OSBPL3: variants seen among roughly 807,000 people sequenced by gnomAD.
OSBPL3 encodes the protein oxysterol binding protein like 3.
A neutral mutation model predicts 120.1 loss-of-function variants in OSBPL3; 65 were observed. The observed-to-expected ratio is 0.54, with a 90% CI of 0.44 to 0.67. OSBPL3 has a LOEUF of 0.67. OSBPL3 is among the 30% of genes least tolerant of loss of function. The probability of loss-of-function intolerance (pLI) is 0.00; values close to 1 mark genes in which losing one functional copy is unlikely to be tolerated. For missense variants in OSBPL3, 1,004 were observed against 1,082.1 expected (o/e 0.93, Z 1.01); for synonymous variants, 416 against 402.6 (o/e 1.03, Z -0.40).
In OSBPL3 at chr7:24,907,073, TTC is replaced by T. The variant is rs896207178; in HGVS notation, c.-149-14454_-149-14453del. Among the ~76,000 whole-genome samples, 8 of 151,842 alleles carry T rather than the reference TTC, an allele frequency of 5.3e-5. 1 individual carries two copies. Among genetic ancestry groups the T allele is most frequent in the Non-Finnish European group, 5.9e-5 (4 of 67,908 alleles). ...CTCCCAGAGCCCCCAGTAGTGTAGA[TTC>T]TCTCTCTCCCTGACACTGACCTCAT... On this transcript the variant is annotated intron_variant, in intron 1 of 22. Transcript: ENST00000313367.
At chr7:24,935,423 T>C (rs752762227) in intron 1 of OSBPL3, among the ~76,000 whole-genome samples, 8 of 152,206 alleles carry the variant, frequency 5.3e-5, no homozygotes, top group Admixed American at 2.6e-4. Flanking sequence ...ATTGTATATA[T>C]TTCCATAAAA....
rs572198484 is a variant in OSBPL3 at position 24,854,691 on chromosome 7, T to TG, written c.1028-2058dup. ...GCAGGACAACAGAGTAATCAACAGC[T>TG]GGGGCTCCACCATCAGCCCTGGATT... On this transcript the variant is annotated intron_variant, in intron 10 of 22. Transcript: ENST00000313367. This position sits in a 1 kb window ranked among gnomAD's most constrained non-coding sequence, Gnocchi z 4.1. 6.6e-6 allele frequency among the ~76,000 whole-genome samples: 1 copy of TG among 152,182 alleles called. No individual in the cohort carries two copies. Among genetic ancestry groups the TG allele is most frequent in the Admixed American group, 6.5e-5 (1 of 15,274 alleles).
At position 24,813,506 on chromosome 7, in the gene OSBPL3, T is replaced by G. The variant is rs1200085022; in HGVS notation, c.2172+1553A>C. Among the ~76,000 whole-genome samples, 1 of 152,218 alleles carries G rather than the reference T, an allele frequency of 6.6e-6. No homozygotes were observed. The highest frequency in any genetic ancestry group is 1.9e-4 in the East Asian group (1 of 5,198). ...CATATCCCTGCTTCAGGTTGCCTTTTGTTTCTGTTTGCAGAGAGCTTAGAC... is the reference window on the plus strand; with the variant it reads ...CATATCCCTGCTTCAGGTTGCCTTTGGTTTCTGTTTGCAGAGAGCTTAGAC... On this transcript the variant is annotated intron_variant, in intron 19 of 22. Coordinates refer to ENST00000313367, the MANE Select transcript of OSBPL3 (RefSeq NM_015550.4). The surrounding 1 kb of genome is among the most constrained non-coding windows in gnomAD (Gnocchi z 4.5).
intron 1 of OSBPL3, among the ~76,000 whole-genome samples, chr7:24,909,109 T>C (rs1479806035): frequency 6.6e-6 from 1 of 152,194 alleles, no homozygotes; most frequent in East Asian, 1.9e-4. Flanking sequence ...ACATTTAGAG[T>C]GTTTTTACCC....
At position 24,926,250 on chromosome 7, in the gene OSBPL3, G is replaced by C. The variant is rs555351912; in HGVS notation, c.-149-33629C>G. Among the ~76,000 whole-genome samples, 85 of 152,226 alleles carry C rather than the reference G, an allele frequency of 5.6e-4. 1 individual carries two copies. The highest frequency in any genetic ancestry group is 2.0e-3 in the African/African-American group (83 of 41,544). On this transcript the variant is annotated intron_variant, in intron 1 of 22. Coordinates refer to ENST00000313367, the MANE Select transcript of OSBPL3 (RefSeq NM_015550.4). ...GTTTGAACGTGTAGGGTTATGCCAT[G>C]CCCCTGATCAAGTTTCTTTAGTGGA...
rs1017931061 is a variant in OSBPL3, at chr7:24,916,923, C to CCCA, written c.-149-24303_-149-24302insTGG. Reference sequence around the variant, plus strand: ...CTAAGACGTCTTCCATTTCCACCCCCCCCAACCTTTTTAGAAAATTAAATA... The same window carrying CCCA: ...CTAAGACGTCTTCCATTTCCACCCCCCCACCCAACCTTTTTAGAAAATTAAATA... On this transcript the variant is annotated intron_variant, in intron 1 of 22. Transcript: ENST00000313367. The surrounding 1 kb of genome is among the most constrained non-coding windows in gnomAD (Gnocchi z 4.9). Among the ~76,000 whole-genome samples, 4 of 150,572 alleles carry CCCA rather than the reference C, an allele frequency of 2.7e-5. No homozygotes were observed. The highest frequency in any genetic ancestry group is 4.4e-5 in the Non-Finnish European group (3 of 67,468).
chr7:24,837,501 G>A (rs1039170137), intron 14 of OSBPL3, among the ~76,000 whole-genome samples: 1 of 152,154 alleles, frequency 6.6e-6, no homozygotes, highest in Non-Finnish European at 1.5e-5. Context: ...ACTGTGCCTT[G>A]CCTGTAGTCA....
intron 1 of OSBPL3, among the ~76,000 whole-genome samples, chr7:24,907,893 T>C (rs1455299570): frequency 1.3e-5 from 2 of 152,240 alleles, no homozygotes; most frequent in African/African-American, 4.8e-5. Context: ...GGAAAGTAAT[T>C]TACAAAGACT....
In OSBPL3 at chr7:24,947,100, C is replaced by G. The variant is rs1813825136; in HGVS notation, c.-150+32786G>C. Reference sequence around the variant, plus strand: ...GCATAGAGCTGTCTAAAAACAAAGTCAGGAGTGCCCCATCCTTGATGATGG... The same window carrying G: ...GCATAGAGCTGTCTAAAAACAAAGTGAGGAGTGCCCCATCCTTGATGATGG... On this transcript the variant is annotated intron_variant, in intron 1 of 22. Transcript: ENST00000313367. The surrounding 1 kb of genome is among the most constrained non-coding windows in gnomAD (Gnocchi z 4.4). Among the ~76,000 whole-genome samples, 1 of 152,190 alleles carries G rather than the reference C, an allele frequency of 6.6e-6. No individual in the cohort carries two copies.
chr7:24,800,241 T>C lies in OSBPL3; in HGVS notation c.2606A>G (p.Tyr869Cys). The C allele has an allele frequency of 1.2e-6, 2 of 1,612,654 alleles. No homozygotes were observed. The highest frequency in any genetic ancestry group is 1.7e-6 in the Non-Finnish European group (2 of 1,178,766). The change falls in exon 23 of 23, where the codon TAT becomes TGT. Residue 869 changes from tyrosine to cysteine, a missense_variant. Physicochemically the swap from Tyr to Cys is radical, Grantham distance 194. Around this residue, in one of 4 missense-constraint regions of OSBPL3, gnomAD observed 473 missense variants for 568.0 expected, o/e 0.83. Coordinates refer to ENST00000313367, the MANE Select transcript of OSBPL3 (RefSeq NM_015550.4). ...ACCAAGATCTTTTCTAAGTTCCAAA[T>C]AGGTGCCGTTGCTCACCCAAGAGTC... ...DDDSWVSNGT[Y>C]LELRKDLGFS...
chr7:24,811,115 A>G (rs1793744577), intron 19 of OSBPL3, among the ~76,000 whole-genome samples: 2 of 152,232 alleles, frequency 1.3e-5, no homozygotes, highest in African/African-American at 2.4e-5. Context: ...TCTGTTTTCC[A>G]TAATAGCTGT....
intron 1 of OSBPL3, among the ~76,000 whole-genome samples, chr7:24,925,822 C>T (rs188340529): frequency 1.7e-3 from 259 of 152,306 alleles, no homozygotes; most frequent in African/African-American, 5.9e-3. Flanking sequence ...TGAAGAAAGT[C>T]GGCTGGCTAG....
chr7:24,891,424 C>A lies in OSBPL3; in HGVS notation c.96+953G>T, dbSNP rs1042960885. Among the ~76,000 whole-genome samples the A allele has an allele frequency of 5.9e-5, 9 of 152,228 alleles. No individual in the cohort carries two copies. The highest frequency in any genetic ancestry group is 1.9e-4 in the African/African-American group (8 of 41,522). Reference sequence around the variant, plus strand: ...TGATGATGTGTCATAAACGTGTAGACGTGACTGAGGTGGGAGTTGCTTAAT... The same window carrying A: ...TGATGATGTGTCATAAACGTGTAGAAGTGACTGAGGTGGGAGTTGCTTAAT... On this transcript the variant is annotated intron_variant, in intron 2 of 22. Coordinates refer to ENST00000313367, the MANE Select transcript of OSBPL3 (RefSeq NM_015550.4). This position sits in a 1 kb window ranked among gnomAD's most constrained non-coding sequence, Gnocchi z 4.1.
rs114187645 is a variant in OSBPL3, at chr7:24,803,046, G to T, written c.2567+1269C>A. Among the ~76,000 whole-genome samples, 501 of 152,246 alleles carry T rather than the reference G, an allele frequency of 3.3e-3. 7 individuals are homozygous for T. Among genetic ancestry groups the T allele is most frequent in the African/African-American group, 0.012 (483 of 41,526 alleles). ...ATCTACATCAACTTTAGGGAAAAGA[G>T]CATCATATTCTTCAAGACAAAACCT... is the stretch of plus-strand genomic sequence containing the variant. On this transcript the variant is annotated intron_variant, in intron 22 of 22. Coordinates refer to ENST00000313367, the MANE Select transcript of OSBPL3 (RefSeq NM_015550.4). This position sits in a 1 kb window ranked among gnomAD's most constrained non-coding sequence, Gnocchi z 4.2.
chr7:24,892,430 C>A lies in OSBPL3; in HGVS notation c.43G>T (p.Val15Leu). ...CTACTTGTGCTCCTTGAAGGTGATA[C>A]CAATTTTTGGGACACACCAAGGTTC... ...EKNLGVSQKLVSPSRSTSSCS... is the reference protein window; with the variant it reads ...EKNLGVSQKLLSPSRSTSSCS... Residue 15 changes from valine to leucine, a missense_variant, in exon 2 of 23, where the codon GTA becomes TTA. This residue lies in a region of OSBPL3 where 255 missense variants were observed against 248.7 expected (regional missense o/e 1.03). Coordinates refer to ENST00000313367, the MANE Select transcript of OSBPL3 (RefSeq NM_015550.4). The A allele has an allele frequency of 6.2e-7, 1 of 1,613,750 alleles. No individual in the cohort carries two copies. The highest frequency in any genetic ancestry group is 8.5e-7 in the Non-Finnish European group (1 of 1,179,762).
chr7:24,951,752 T>C (rs1814471699), intron 1 of OSBPL3, among the ~76,000 whole-genome samples: 1 of 152,322 alleles, frequency 6.6e-6, no homozygotes, highest in Middle Eastern at 3.4e-3. Flanking sequence ...CCTGTATTAA[T>C]GATCCTCATA....
chr7:24,863,555 G>A lies in OSBPL3; in HGVS notation c.718C>T (p.Leu240=), dbSNP rs1800885021. 1 of 1,614,026 alleles carries A rather than the reference G, an allele frequency of 6.2e-7. No individual in the cohort carries two copies. The highest frequency in any genetic ancestry group is 8.5e-7 in the Non-Finnish European group (1 of 1,180,006). The change falls in exon 8 of 23, where the codon CTG becomes TTG. Residue 240 remains leucine (L), a synonymous_variant. Coordinates refer to ENST00000313367, the MANE Select transcript of OSBPL3 (RefSeq NM_015550.4). This position sits in a 1 kb window ranked among gnomAD's most constrained non-coding sequence, Gnocchi z 5.8. ...CGATGCAGGACGTCCATGCTTTGCA[G>A]GAGCTGGCTCATTTCTACCAGGTAG... ...HAYLVEMSQL[L]QSMDVLHRTY...
Position 24,863,263 on chromosome 7 carries a change from T to G in OSBPL3, c.807A>C (p.Glu269Asp). 1 of 1,614,188 alleles carries G rather than the reference T, an allele frequency of 6.2e-7. No homozygotes were observed. The highest frequency in any genetic ancestry group is 8.5e-7 in the Non-Finnish European group (1 of 1,179,986). Residue 269 changes from glutamate (E) to aspartate (D), a missense_variant, in exon 9 of 23, where the codon GAA (glutamate) becomes GAC (aspartate). By Grantham distance (45) the Glu-to-Asp change is conservative. Around this residue, in one of 4 missense-constraint regions of OSBPL3, gnomAD observed 272 missense variants for 248.8 expected, o/e 1.09. Coordinates refer to ENST00000313367, the MANE Select transcript of OSBPL3 (RefSeq NM_015550.4). This position sits in a 1 kb window ranked among gnomAD's most constrained non-coding sequence, Gnocchi z 5.8. ...ACCGCCACCTCCTGTGCGATCTTTT[T>G]TCCTTTTTGGGACTTTCAAAAGATC... ...QGGSFESPKKEKRSHRRWRSR... is the reference protein window; with the variant it reads ...QGGSFESPKKDKRSHRRWRSR...
rs1268812122 is a variant in OSBPL3 at position 24,805,747 on chromosome 7, A to G, written c.2444+1029T>C. On this transcript the variant is annotated intron_variant, in intron 21 of 22. Coordinates refer to ENST00000313367, the MANE Select transcript of OSBPL3 (RefSeq NM_015550.4). The surrounding 1 kb of genome is among the most constrained non-coding windows in gnomAD (Gnocchi z 4.0). ...AGCTGACATACGTAAACTGTTTCACATCTCTTTTAGGCATTTGCTAACAAC... is the reference window on the plus strand; with the variant it reads ...AGCTGACATACGTAAACTGTTTCACGTCTCTTTTAGGCATTTGCTAACAAC... 2.6e-5 allele frequency among the ~76,000 whole-genome samples: 4 copies of G among 152,172 alleles called. No individual in the cohort carries two copies. Among genetic ancestry groups the G allele is most frequent in the Admixed American group, 2.6e-4 (4 of 15,280 alleles).
Sources: allele counts gnomAD v4.1 joint callset (sites outside exome capture counted in the v4.1 genomes callset), GRCh38; gene constraint gnomAD v4.1.1; regional missense constraint gnomAD v4.1.1; non-coding constraint Gnocchi (gnomAD v3.1); transcripts MANE v1.5; gene names NCBI Gene and HGNC (gene_info 2026-07-23, HGNC 2026-07-21).